SCMH1: variants seen among roughly 807,000 people sequenced by gnomAD.
The protein encoded by SCMH1 is polycomb protein SCMH1.
In SCMH1, 37 loss-of-function variants were observed where a neutral mutation model predicts 70.8. That is an observed-to-expected ratio of 0.52 (90% CI 0.40 to 0.69). The LOEUF (loss-of-function observed/expected upper bound fraction) is 0.69. Among genes scored for constraint, SCMH1 ranks in the 30% least tolerant of loss-of-function variants. The pLI is 0.00. For missense variants in SCMH1, 607 were observed against 827.3 expected, an observed-to-expected ratio of 0.73 and a Z score of 3.27; for synonymous variants, 292 against 307.4, an observed-to-expected ratio of 0.95 and a Z score of 0.52.
intron 2 of SCMH1, among the ~76,000 whole-genome samples, chr1:41,171,315 A>G (rs1646768189): frequency 1.3e-5 from 2 of 152,134 alleles, no homozygotes; most frequent in South Asian, 4.1e-4. Flanking sequence ...CCTGCATGCA[A>G]TTCTACTGTC....
At chr1:41,039,611 T>C (rs1284630566) in intron 12 of SCMH1, among the ~76,000 whole-genome samples, 1 of 151,628 alleles carries the variant, frequency 6.6e-6, no homozygotes, top group East Asian at 1.9e-4. Flanking sequence ...TCCCAAGTAG[T>C]GCATGCCATC....
At chr1:41,042,812 T>C (rs1571361548) in intron 12 of SCMH1, among the ~76,000 whole-genome samples, 2 of 152,324 alleles carry the variant, frequency 1.3e-5, no homozygotes, top group African/African-American at 2.4e-5. Context: ...GAGTCTAGTA[T>C]AGAATCGGGC....
intron 11 of SCMH1, 29 bp from the exon 12 acceptor site, chr1:41,046,627 T>C (rs1278742712): frequency 2.5e-6 from 4 of 1,589,004 alleles, no homozygotes; most frequent in Non-Finnish European, 3.5e-6. Flanking sequence ...GGGCCAAGCA[T>C]GTCAGCCTGG....
intron 8 of SCMH1, among the ~76,000 whole-genome samples, chr1:41,096,499 A>G (rs1428734265): frequency 6.6e-6 from 1 of 152,262 alleles, no homozygotes; most frequent in Non-Finnish European, 1.5e-5. Context: ...CACTGGCTAC[A>G]TAGTGAACGC....
chr1:41,059,554 A>G lies in SCMH1; in HGVS notation c.1106-10664T>C, dbSNP rs1048947800. On this transcript the variant is annotated intron_variant, in intron 10 of 14. Coordinates refer to ENST00000337495, the Ensembl canonical transcript of SCMH1. ...CACTGAGAGCCACCTCCACCACTCAATAAAACCCTCCACATTCACCATTCT... is the reference window on the plus strand; with the variant it reads ...CACTGAGAGCCACCTCCACCACTCAGTAAAACCCTCCACATTCACCATTCT... Among the ~76,000 whole-genome samples, 42 of 152,166 alleles carry G rather than the reference A, an allele frequency of 2.8e-4. 1 individual carries two copies. Among genetic ancestry groups the G allele is most frequent in the Admixed American group, 3.3e-4 (5 of 15,270 alleles).
intron 6 of SCMH1, among the ~76,000 whole-genome samples, chr1:41,142,433 G>A (rs181822042): frequency 3.3e-4 from 51 of 152,246 alleles, no homozygotes; most frequent in African/African-American, 1.1e-3. Flanking sequence ...GATTCGAAGC[G>A]AGAAAACTCC....
At chr1:41,118,572 C>A (rs1011638759) in intron 6 of SCMH1, among the ~76,000 whole-genome samples, 3 of 152,178 alleles carry the variant, frequency 2.0e-5, no homozygotes, top group African/African-American at 7.2e-5. Flanking sequence ...TTCTGAAGTT[C>A]ATTGTTTACT....
At chr1:41,109,710 A>G (rs925396847) in intron 8 of SCMH1, among the ~76,000 whole-genome samples, 2 of 152,148 alleles carry the variant, frequency 1.3e-5, no homozygotes, top group Admixed American at 1.3e-4. Context: ...TTGAAAATCT[A>G]AGGACTCCAG....
intron 12 of SCMH1, among the ~76,000 whole-genome samples, chr1:41,045,383 A>C (rs1646771776): frequency 6.6e-6 from 1 of 152,166 alleles, no homozygotes. Context: ...TCACATAAGC[A>C]ATACGGATTT....
At chr1:41,073,419 C>A (rs925879365) in intron 9 of SCMH1, among the ~76,000 whole-genome samples, 3 of 152,168 alleles carry the variant, frequency 2.0e-5, no homozygotes, top group African/African-American at 7.2e-5. Context: ...CTGGCCTTGG[C>A]ATCCTTAGGG....
chr1:41,081,173 T>C (rs1462210178), intron 8 of SCMH1, among the ~76,000 whole-genome samples: 1 of 151,710 alleles, frequency 6.6e-6, no homozygotes, highest in Non-Finnish European at 1.5e-5. Flanking sequence ...CAGTGAAAGA[T>C]GGGCAAGACA....
At chr1:41,096,500 T>C (rs1426960215) in intron 8 of SCMH1, among the ~76,000 whole-genome samples, 3 of 152,236 alleles carry the variant, frequency 2.0e-5, no homozygotes, top group Non-Finnish European at 1.5e-5. Context: ...ACTGGCTACA[T>C]AGTGAACGCT....
rs373871989 is a variant in SCMH1, at chr1:41,028,758, G to A, written c.1679-32C>T. On this transcript the variant is annotated intron_variant, in intron 13 of 14. Transcript: ENST00000337495. ...GACAGGAGGGCACCTACCATAAAGG[G>A]CGGGGACTGGTTTGTAAATCCCCAC... 3.5e-5 allele frequency: 56 copies of A among 1,609,118 alleles called. No homozygotes were observed. The African/African-American group carries it at 6.7e-4, about 19-fold the overall frequency.
chr1:41,062,110 C>T (rs1652867885), intron 10 of SCMH1, among the ~76,000 whole-genome samples: 1 of 152,026 alleles, frequency 6.6e-6, no homozygotes, highest in South Asian at 2.1e-4. Flanking sequence ...AAGTGATCCA[C>T]TGGCCTCAGA....
intron 5 of SCMH1, among the ~76,000 whole-genome samples, chr1:41,147,597 T>C (rs1644704071): frequency 1.3e-5 from 2 of 151,992 alleles, no homozygotes; most frequent in Admixed American, 1.3e-4. Flanking sequence ...TATTTGCTGA[T>C]TTTTTTTCTC....
chr1:41,085,850 T>G (rs1401490591), intron 8 of SCMH1, among the ~76,000 whole-genome samples: 2 of 144,082 alleles, frequency 1.4e-5, no homozygotes, highest in Non-Finnish European at 3.1e-5. Flanking sequence ...TTTTTTTTTT[T>G]TTTTTTTTGA....
At chr1:41,152,695 G>A in intron 4 of SCMH1, 1 of 1,614,054 alleles carries the variant, frequency 6.2e-7, no homozygotes, top group Non-Finnish European at 8.5e-7. Context: ...TTCCTCTGTA[G>A]TGGAGCAGCA....
At chr1:41,162,360 G>C (rs912733928) in intron 2 of SCMH1, among the ~76,000 whole-genome samples, 4 of 152,162 alleles carry the variant, frequency 2.6e-5, no homozygotes, top group African/African-American at 9.7e-5. Flanking sequence ...CGGATCCCTG[G>C]TGAGGCCCAC....
exon 13 of SCMH1, chr1:41,037,511 G>A (rs1645469397): frequency 6.2e-7 from 1 of 1,614,094 alleles, no homozygotes; most frequent in Non-Finnish European, 8.5e-7. Flanking sequence ...CAAGGAGCGG[G>A]CCAGACTATT....
Sources: allele counts gnomAD v4.1 joint callset (sites outside exome capture counted in the v4.1 genomes callset), GRCh38; gene constraint gnomAD v4.1.1; transcripts MANE v1.5; gene names NCBI Gene and HGNC (gene_info 2026-07-23, HGNC 2026-07-21).